The following FBXO10 variants were observed in gnomAD, a reference collection of about 807,000 sequenced individuals.
FBXO10 encodes F-box only protein 10.
A neutral mutation model predicts 80.7 loss-of-function variants in FBXO10; 39 were observed. The observed-to-expected ratio is 0.48, with a 90% CI of 0.37 to 0.63. FBXO10 has a LOEUF of 0.63. FBXO10 is among the 30% of genes least tolerant of loss of function. The probability of loss-of-function intolerance (pLI) is 0.00; values close to 1 mark genes in which losing one functional copy is unlikely to be tolerated. For synonymous variants in FBXO10, 449 were observed against 489.6 expected (o/e 0.92, Z 1.09); for missense variants, 1,025 against 1,269.0 (o/e 0.81, Z 2.92).
At chr9:37,551,228 A>G (rs1035243218) in intron 1 of FBXO10, among the ~76,000 whole-genome samples, 2 of 152,224 alleles carry the variant, frequency 1.3e-5, no homozygotes, top group African/African-American at 4.8e-5. Flanking sequence ...TGGGTCTCCA[A>G]GGCCCTGGAA....
intron 1 of FBXO10, among the ~76,000 whole-genome samples, chr9:37,569,736 T>G (rs148903774): frequency 4.6e-5 from 7 of 152,168 alleles, no homozygotes; most frequent in Non-Finnish European, 1.0e-4. Context: ...CTGGGGAGAC[T>G]GAAGCAGGAG....
chr9:37,540,142 TGA>T (rs974555120), intron 2 of FBXO10, among the ~76,000 whole-genome samples: 1 of 152,058 alleles, frequency 6.6e-6, no homozygotes, highest in African/African-American at 2.4e-5. Flanking sequence ...ATTACAAACA[TGA>T]GAGACAATTG....
chr9:37,522,139 G>A (rs1476490327), intron 7 of FBXO10, among the ~76,000 whole-genome samples: 2 of 152,198 alleles, frequency 1.3e-5, no homozygotes, highest in Non-Finnish European at 2.9e-5. Context: ...TGCCAAGGGG[G>A]CACCAATCCC....
At chr9:37,534,948 C>T (rs1311351457) in intron 3 of FBXO10, among the ~76,000 whole-genome samples, 1 of 152,150 alleles carries the variant, frequency 6.6e-6, no homozygotes, top group Non-Finnish European at 1.5e-5. Context: ...GACACAGCAC[C>T]TACCTAGACT....
In FBXO10 at chr9:37,522,990, G is replaced by T. The variant is rs562142793; in HGVS notation, c.1778-13C>A. 6.9e-6 allele frequency: 11 copies of T among 1,586,524 alleles called. No individual in the cohort carries two copies. In the South Asian group the frequency reaches 1.2e-4, roughly 17 times the overall value. On this transcript the variant is annotated splice_polypyrimidine_tract_variant and intron_variant, in intron 6 of 10. Coordinates refer to ENST00000432825, the MANE Select transcript of FBXO10 (RefSeq NM_012166.3). The stretch of plus-strand genomic sequence containing the variant: ...CGGATGACATTTTCTATGGAGAGAA[G>T]CAGAAAAGAAGGTCAGTACCCAAGG...
intron 5 of FBXO10, among the ~76,000 whole-genome samples, chr9:37,528,842 G>A (rs749539452): frequency 3.9e-5 from 6 of 152,194 alleles, no homozygotes; most frequent in Non-Finnish European, 7.3e-5. Context: ...CCCTGCCTGG[G>A]GGTACTTCTG....
intron 9 of FBXO10, among the ~76,000 whole-genome samples, chr9:37,516,943 A>G (rs1228582772): frequency 6.8e-6 from 1 of 146,866 alleles, no homozygotes; most frequent in Non-Finnish European, 1.5e-5. Context: ...CCTGGGCAAA[A>G]GAGTGAAACT....
rs535796579 is a variant in FBXO10 at position 37,525,259 on chromosome 9, C to A, written c.1707-87G>T. On this transcript the variant is annotated intron_variant, in intron 5 of 10. Transcript: ENST00000432825. ...GAGACTGCCTTCTTTCATGGAAACC[C>A]TGTCTCTACAAAAAATACAAAAAAA... 1.7e-4 allele frequency: 214 copies of A among 1,286,618 alleles called. 1 individual carries two copies. The highest frequency in any genetic ancestry group is 9.4e-4 in the East Asian group (37 of 39,342). 79.7% of individuals were successfully genotyped at this position (1,286,618 alleles called of 1,614,324 possible).
chr9:37,531,478 C>T (rs911058689), intron 4 of FBXO10, among the ~76,000 whole-genome samples: 7 of 152,130 alleles, frequency 4.6e-5, no homozygotes, highest in Admixed American at 6.5e-5. Flanking sequence ...ACAATAACCA[C>T]GAAACAATCT....
At chr9:37,569,736 T>C (rs148903774) in intron 1 of FBXO10, among the ~76,000 whole-genome samples, 1 of 152,286 alleles carries the variant, frequency 6.6e-6, no homozygotes, top group Non-Finnish European at 1.5e-5. Flanking sequence ...CTGGGGAGAC[T>C]GAAGCAGGAG....
intron 1 of FBXO10, among the ~76,000 whole-genome samples, chr9:37,553,973 T>C (rs7341712): frequency 0.014 from 2,180 of 151,484 alleles, 62 homozygotes; most frequent in African/African-American, 0.05. Context: ...CTTTGCTTGG[T>C]TTACCCCAAT....
rs748770719 is a variant in FBXO10, at chr9:37,512,641, T to C, written c.2777A>G (p.Asn926Ser). 1.2e-6 allele frequency: 2 copies of C among 1,613,824 alleles called. No individual in the cohort carries two copies. Among genetic ancestry groups the C allele is most frequent in the Non-Finnish European group, 1.7e-6 (2 of 1,179,866 alleles). The change falls in exon 11 of 11, where the codon AAT becomes AGT. Residue 926 changes from asparagine to serine, a missense_variant. By Grantham distance (46) the Asn-to-Ser change is conservative. This residue lies in a region of FBXO10 where 97 missense variants were observed against 101.8 expected (regional missense o/e 0.95). Transcript: ENST00000432825. ...NSLRRPSAAH[N>S]GQKVTAMATR... ...TGCCATGGCTGTCACCTTCTGCCCA[T>C]TGTGGGCTGCCGAGGGACGTCTGAG...
intron 4 of FBXO10, 115 bp from the exon 5 acceptor site, chr9:37,529,375 C>A: frequency 8.6e-7 from 1 of 1,161,792 alleles, no homozygotes; most frequent in Middle Eastern, 2.3e-4. Context: ...AAAATGACGT[C>A]ACTGTAAGAG....
intron 10 of FBXO10, 139 bp from the exon 11 acceptor site, chr9:37,512,860 A>AAAC (rs1821097673): frequency 1.1e-6 from 1 of 871,450 alleles, no homozygotes; most frequent in Non-Finnish European, 1.7e-6. Flanking sequence ...CTTCCAGTTT[A>AAAC]GTGTTAGTCC....
At chr9:37,522,691 T>A in intron 7 of FBXO10, 134 bp downstream of exon 7, 1 of 1,191,938 alleles carries the variant, frequency 8.4e-7, no homozygotes, top group Non-Finnish European at 1.2e-6. Flanking sequence ...CCTGGGTGAC[T>A]GTGGCCTGAG....
At position 37,518,382 on chromosome 9, in the gene FBXO10, G is replaced by A. The variant is rs143437639; in HGVS notation, c.2257C>T (p.His753Tyr). The change falls in exon 9 of 11, where the codon CAC becomes TAC. Residue 753 changes from histidine (H) to tyrosine (Y), a missense_variant. By Grantham distance (83) the His-to-Tyr change is moderately conservative. Around this residue, in one of 3 missense-constraint regions of FBXO10, gnomAD observed 478 missense variants for 667.8 expected, o/e 0.72. Coordinates refer to ENST00000432825, the MANE Select transcript of FBXO10 (RefSeq NM_012166.3). ...GTAATGCCTCTGTCCCCATTCGCGT[G>A]GATCACATTGGTGATGACATGCAGT... Reference protein sequence around the residue: ...EALHVITNVIHANGDRGITVA... With the variant: ...EALHVITNVIYANGDRGITVA... The A allele has an allele frequency of 1.5e-5, 25 of 1,613,616 alleles. No individual in the cohort carries two copies. Among genetic ancestry groups the A allele is most frequent in the African/African-American group, 2.7e-5 (2 of 75,056 alleles).
intron 1 of FBXO10, among the ~76,000 whole-genome samples, chr9:37,545,121 A>C (rs1489195811): frequency 6.7e-6 from 1 of 148,980 alleles, no homozygotes; most frequent in African/African-American, 2.5e-5. Context: ...GGCGGCTTCT[A>C]TGACACTGAT....
At position 37,537,905 on chromosome 9, in the gene FBXO10, A is replaced by C; in HGVS notation, c.624T>G (p.Phe208Leu). The change falls in exon 3 of 11, where the codon TTT becomes TTG. Residue 208 changes from phenylalanine to leucine, a missense_variant. By Grantham distance (22) the Phe-to-Leu change is conservative. This residue lies in a region of FBXO10 where 450 missense variants were observed against 499.4 expected (regional missense o/e 0.90). Transcript: ENST00000432825. ...SGHVQFDNCN[F>L]ENGHIQVHGP... The stretch of plus-strand genomic sequence containing the variant: ...CATGGACCTGGATGTGCCCGTTCTC[A>C]AAGTTGCAGTTGTCAAACTGGACGT... The C allele has an allele frequency of 6.2e-7, 1 of 1,613,946 alleles. No individual in the cohort carries two copies. The highest frequency in any genetic ancestry group is 8.5e-7 in the Non-Finnish European group (1 of 1,179,862).
Position 37,550,545 on chromosome 9 carries a change from A to G in FBXO10, c.-6-8771T>C, listed in dbSNP as rs141402976. Among the ~76,000 whole-genome samples the G allele has an allele frequency of 5.7e-3, 869 of 151,212 alleles. 9 individuals are homozygous for G. Among genetic ancestry groups the G allele is most frequent in the African/African-American group, 0.019 (796 of 41,112 alleles). ...GCCCAGGCTGGAGTGCAGTGGCGCA[A>G]TCTTGGCTCACTGTAACCTCAGCCT... On this transcript the variant is annotated intron_variant, in intron 1 of 10. Transcript: ENST00000432825.
Sources: gnomAD v4.1 joint callset for allele counts (sites outside exome capture counted in the v4.1 genomes callset) on GRCh38, gnomAD v4.1.1 for gene constraint, gnomAD v4.1.1 regional missense constraint, MANE v1.5 for transcripts, NCBI Gene and HGNC (gene_info 2026-07-23, HGNC 2026-07-21) for gene names.